Variants in INTS4 observed in about 807,000 individuals in gnomAD.
The protein encoded by INTS4 is integrator complex subunit 4, also known as MSTP093.
In INTS4, 70 loss-of-function variants were observed where a neutral mutation model predicts 119.5. That is an observed-to-expected ratio of 0.59 (90% CI 0.48 to 0.71). The LOEUF is 0.71. Ranked by LOEUF, INTS4 falls within the 30% of genes least tolerant of loss-of-function variation. The probability of loss-of-function intolerance (pLI) is 0.00; values close to 1 mark genes in which losing one functional copy is unlikely to be tolerated. For synonymous variants in INTS4, 316 were observed against 419.6 expected, an observed-to-expected ratio of 0.75 and a Z score of 3.02; for missense variants, 867 against 1,173.2, an observed-to-expected ratio of 0.74 and a Z score of 3.81.
At chr11:77,967,789 T>C (rs2136606265) in intron 4 of INTS4, among the ~76,000 whole-genome samples, 1 of 152,244 alleles carries the variant, frequency 6.6e-6, no homozygotes, top group Admixed American at 6.5e-5. Context: ...TCTTCAAAAA[T>C]GTCAAGGTAA....
chr11:77,900,285 G>A (rs1952726558), intron 18 of INTS4, among the ~76,000 whole-genome samples: 1 of 151,908 alleles, frequency 6.6e-6, no homozygotes, highest in South Asian at 2.1e-4. Context: ...ATTTTTAGTA[G>A]AGACAGGGTT....
chr11:77,958,707 C>T lies in INTS4; in HGVS notation c.797+39G>A, dbSNP rs371426511. On this transcript the variant is annotated intron_variant, in intron 7 of 22. Transcript: ENST00000534064. ...GCATGGTGAGAGGAGAGGAAAACGGCTTCACAATCAACAAAAGCCAGCTTA... is the reference window on the plus strand; with the variant it reads ...GCATGGTGAGAGGAGAGGAAAACGGTTTCACAATCAACAAAAGCCAGCTTA... 4.9e-5 allele frequency: 62 copies of T among 1,253,994 alleles called. No homozygotes were observed. The African/African-American group carries it at 8.4e-4, about 17-fold the overall frequency. The allele number at this position is 1,253,994 out of a possible 1,614,324, so 77.7% of individuals were successfully genotyped here. A position where few individuals can be genotyped will look rare whatever the true frequency, so the allele number is the denominator to read the frequency against.
intron 18 of INTS4, among the ~76,000 whole-genome samples, chr11:77,898,152 C>T (rs1302527648): frequency 6.6e-6 from 1 of 151,914 alleles, no homozygotes; most frequent in African/African-American, 2.4e-5. Flanking sequence ...AGTAAGAGGC[C>T]TTAACTGGCC....
chr11:77,885,229 C>A (rs531607327), intron 21 of INTS4, among the ~76,000 whole-genome samples: 3 of 152,100 alleles, frequency 2.0e-5, no homozygotes, highest in African/African-American at 7.2e-5. Flanking sequence ...AGGCGCCCAC[C>A]GTCATGCCCG....
chr11:77,888,717 C>G lies in INTS4; in HGVS notation c.2592+2602G>C, dbSNP rs1952127475. 2.6e-5 allele frequency among the ~76,000 whole-genome samples: 4 copies of G among 152,020 alleles called. No homozygotes were observed. The South Asian group carries it at 6.2e-4, about 24-fold the overall frequency. The stretch of plus-strand genomic sequence containing the variant: ...ATCCAGAATCTACAATGAACTCAAA[C>G]AAATTTACAAGAAAAAAACAAACAA... On this transcript the variant is annotated intron_variant, in intron 21 of 22. Coordinates refer to ENST00000534064, the MANE Select transcript of INTS4 (RefSeq NM_033547.4).
At chr11:77,908,149 GACT>G (rs1401150762) in intron 15 of INTS4, among the ~76,000 whole-genome samples, 2 of 152,040 alleles carry the variant, frequency 1.3e-5, no homozygotes, top group African/African-American at 4.8e-5. Flanking sequence ...TTGTTATGTG[GACT>G]ATTATAGTAA....
chr11:77,978,552 T>C (rs1393223486), intron 4 of INTS4: 5 of 152,558 alleles, frequency 3.3e-5, no homozygotes, highest in African/African-American at 7.2e-5. Context: ...ATAGTTGGTC[T>C]GTTTATTGAA....
Position 77,918,858 on chromosome 11 carries a change from G to A in INTS4, c.1885C>T (p.Pro629Ser). 6.2e-7 allele frequency: 1 copy of A among 1,613,808 alleles called. No individual in the cohort carries two copies. The highest frequency in any genetic ancestry group is 8.5e-7 in the Non-Finnish European group (1 of 1,179,834). Residue 629 changes from proline to serine, a missense_variant, in exon 15 of 23, where the codon CCT becomes TCT. By Grantham distance (74) the Pro-to-Ser change is moderately conservative (BLOSUM62 -1). Coordinates refer to ENST00000534064, the MANE Select transcript of INTS4 (RefSeq NM_033547.4). ...ERVYSLQHLDPQGAQELLEFT... is the reference protein window; with the variant it reads ...ERVYSLQHLDSQGAQELLEFT... ...TCCAGCAGCTCCTGGGCTCCCTGAG[G>A]GTCCAAGTGCTGAAGACTATACACT...
chr11:77,969,764 CAAA>C (rs111328777), intron 4 of INTS4, among the ~76,000 whole-genome samples: 7 of 118,470 alleles, frequency 5.9e-5, no homozygotes, highest in Admixed American at 8.8e-5. Context: ...TCCCCTCCTG[CAAA>C]AAAAAAAAAA....
chr11:77,979,533 T>C (rs1323407016), intron 3 of INTS4, among the ~76,000 whole-genome samples: 1 of 152,026 alleles, frequency 6.6e-6, no homozygotes, highest in Non-Finnish European at 1.5e-5. Flanking sequence ...TGATCCTTCA[T>C]GCCCTCAACT....
intron 4 of INTS4, 92 bp from the exon 5 acceptor site, chr11:77,961,230 A>C: frequency 7.1e-7 from 1 of 1,403,332 alleles, no homozygotes; most frequent in Non-Finnish European, 9.3e-7. Flanking sequence ...CCAGAAACAA[A>C]AGCATTGCAG....
At chr11:77,891,292 C>T in intron 21 of INTS4, 27 bp downstream of exon 21, 2 of 1,605,324 alleles carry the variant, frequency 1.2e-6, no homozygotes, top group Non-Finnish European at 1.7e-6. Context: ...AGTCTAGAAG[C>T]TCCATGAGGA....
At chr11:77,912,015 C>G (rs924344761) in intron 15 of INTS4, among the ~76,000 whole-genome samples, 2 of 152,100 alleles carry the variant, frequency 1.3e-5, no homozygotes, top group Non-Finnish European at 2.9e-5. Flanking sequence ...CTATTAAACT[C>G]TTTTCATTTA....
intron 15 of INTS4, among the ~76,000 whole-genome samples, chr11:77,915,656 A>C (rs1953188567): frequency 6.6e-6 from 1 of 152,102 alleles, no homozygotes; most frequent in Non-Finnish European, 1.5e-5. Flanking sequence ...GCAAGTCACC[A>C]AGTCCCCCAG....
In INTS4 at chr11:77,897,435, CAT is replaced by C. The variant is rs200659076; in HGVS notation, c.2229-3088_2229-3087del. On this transcript the variant is annotated intron_variant, in intron 18 of 22. Transcript: ENST00000534064. ...AACTTTAAAAGATTATATTTATAAA[CAT>C]AAAAATTAATAGAAGCTACATTATA... Among the ~76,000 whole-genome samples, 708 of 151,284 alleles carry C rather than the reference CAT, an allele frequency of 4.7e-3. 17 individuals are homozygous for C. Among genetic ancestry groups the C allele is most frequent in the African/African-American group, 0.016 (654 of 41,248 alleles).
At chr11:77,899,832 T>C (rs1477345118) in intron 18 of INTS4, among the ~76,000 whole-genome samples, 1 of 152,126 alleles carries the variant, frequency 6.6e-6, no homozygotes, top group East Asian at 1.9e-4. Flanking sequence ...CTTTATGTTA[T>C]TGTACACATC....
chr11:77,921,209 T>A, intron 14 of INTS4, 131 bp downstream of exon 14: 1 of 766,054 alleles, frequency 1.3e-6, no homozygotes, highest in Non-Finnish European at 2.2e-6. Context: ...GCCAGGAGGA[T>A]GGCTTAAGCC....
At chr11:77,941,770 T>C (rs1953934613) in intron 8 of INTS4, among the ~76,000 whole-genome samples, 2 of 152,166 alleles carry the variant, frequency 1.3e-5, no homozygotes, top group African/African-American at 2.4e-5. Context: ...CCTCCCAAAG[T>C]GCTGGGATTA....
chr11:77,913,571 A>G (rs1027474656), intron 15 of INTS4, among the ~76,000 whole-genome samples: 11 of 152,198 alleles, frequency 7.2e-5, no homozygotes, highest in Non-Finnish European at 1.2e-4. Context: ...TTGGCCTCCC[A>G]AAGTGTTGGG....
Sources: gnomAD v4.1 joint callset for allele counts (sites outside exome capture counted in the v4.1 genomes callset) on GRCh38, gnomAD v4.1.1 for gene constraint, MANE v1.5 for transcripts, NCBI Gene and HGNC (gene_info 2026-07-23, HGNC 2026-07-21) for gene names.